Variants in ZNF429 observed in about 807,000 individuals in gnomAD.
ZNF429 encodes zinc finger protein 429.
A neutral mutation model predicts 56.8 loss-of-function variants in ZNF429; 53 were observed. The ratio of observed to expected loss-of-function variants is 0.93; its 90% CI spans 0.75 to 1.17. The LOEUF is 1.17. ZNF429 is among the 50% of genes most tolerant of loss of function. The pLI, the probability that ZNF429 is intolerant of heterozygous loss-of-function variation, is 0.00. For synonymous variants in ZNF429, 278 were observed against 264.7 expected (o/e 1.05, Z -0.49); for missense variants, 849 against 788.4 (o/e 1.08, Z -0.92).
chr19:21,505,751 G>A lies in ZNF429; in HGVS notation c.-21G>A, dbSNP rs765494665. On this transcript the variant is annotated 5_prime_UTR_variant, in exon 1 of 4. Coordinates refer to ENST00000358491, the MANE Select transcript of ZNF429 (RefSeq NM_001001415.4). ...TGGGAGATACACAGCTAAGACTCCA[G>A]GACCCCCTGGAAGCCTAGAAATGGT... The A allele has an allele frequency of 1.2e-6, 2 of 1,610,144 alleles. No individual in the cohort carries two copies. The highest frequency in any genetic ancestry group is 1.7e-6 in the Non-Finnish European group (2 of 1,177,458).
At position 21,537,622 on chromosome 19, in the gene ZNF429, A is replaced by G. The variant is rs377473432; in HGVS notation, c.1569A>G (p.Arg523=). Residue 523 remains arginine (R), a synonymous_variant, in exon 4 of 4, where the codon AGA becomes AGG. Transcript: ENST00000358491. ...ECGKAFILSS[R]LTQHKKIHTG... is the part of the protein sequence containing the mutation. ...GCAAAGCTTTTATCCTGTCCTCAAG[A>G]CTTACTCAACATAAGAAAATTCATA... The G allele has an allele frequency of 1.4e-5, 22 of 1,612,812 alleles. No individual in the cohort carries two copies. The African/African-American group carries it at 2.5e-4, about 19-fold the overall frequency.
At chr19:21,535,417 TTTCTTTCTTTC>T in intron 3 of ZNF429, among the ~76,000 whole-genome samples, 8,044 of 53,172 alleles carry the variant, frequency 0.15, 1,824 homozygotes, top group Middle Eastern at 0.19. Context: ...TTTTCTTTTC[TTTCTTTCTTTC>T]TTTCTTTCTT....
chr19:21,530,590 T>C lies in ZNF429; in HGVS notation c.132T>C (p.Gly44=). ...LENYRNLVFL[G]IAVSKPDLIT... Reference sequence around the variant, plus strand: ...TCTTCTTTATTTTTAATAAAACAGGTATTGCTGTTTCTAAGCCAGACCTAA... The same window carrying C: ...TCTTCTTTATTTTTAATAAAACAGGCATTGCTGTTTCTAAGCCAGACCTAA... Residue 44 remains glycine (G), a splice_region_variant and synonymous_variant, in exon 3 of 4, where the codon GGT becomes GGC. Transcript: ENST00000358491. 6.3e-7 allele frequency: 1 copy of C among 1,593,922 alleles called. No homozygotes were observed. The highest frequency in any genetic ancestry group is 1.1e-5 in the South Asian group (1 of 87,558).
intron 3 of ZNF429, 55 bp from the exon 4 acceptor site, chr19:21,536,225 T>C: frequency 6.7e-7 from 1 of 1,487,566 alleles, no homozygotes; most frequent in East Asian, 2.3e-5. Context: ...GTTTGTGACG[T>C]ATATATATCT....
chr19:21,507,617 C>G (rs1351175405), intron 1 of ZNF429: 1 of 152,102 alleles, frequency 6.6e-6, no homozygotes, highest in Non-Finnish European at 1.5e-5. Flanking sequence ...TTTTCCTGGT[C>G]CTGGGTTCCA....
At chr19:21,509,798 A>G (rs2032364353) in intron 1 of ZNF429, among the ~76,000 whole-genome samples, 1 of 152,264 alleles carries the variant, frequency 6.6e-6, no homozygotes, top group Non-Finnish European at 1.5e-5. Flanking sequence ...ATTTGTATAA[A>G]AAAAAGAAAA....
chr19:21,512,197 A>C (rs1054919209), intron 1 of ZNF429, among the ~76,000 whole-genome samples: 2 of 152,084 alleles, frequency 1.3e-5, no homozygotes, highest in South Asian at 4.1e-4. Flanking sequence ...CTGATATTGC[A>C]TTGGCATTTG....
intron 1 of ZNF429, among the ~76,000 whole-genome samples, chr19:21,515,533 G>A (rs760413236): frequency 5.3e-5 from 8 of 151,866 alleles, no homozygotes; most frequent in Non-Finnish European, 8.8e-5. Context: ...CTATTCTGTA[G>A]ATTGTCTGTT....
At chr19:21,517,894 C>T (rs183712683) in intron 1 of ZNF429, among the ~76,000 whole-genome samples, 138 of 151,214 alleles carry the variant, frequency 9.1e-4, no homozygotes, top group African/African-American at 2.9e-3. Context: ...CCCAGGTTCA[C>T]GCCATTCACC....
intron 1 of ZNF429, among the ~76,000 whole-genome samples, chr19:21,513,186 A>G (rs2032583449): frequency 1.3e-5 from 2 of 152,032 alleles, no homozygotes; most frequent in Admixed American, 1.3e-4. Flanking sequence ...TCTTAATGGT[A>G]ATGGGGTTTC....
intron 1 of ZNF429, among the ~76,000 whole-genome samples, chr19:21,510,461 C>T (rs7259339): frequency 0.025 from 3,867 of 152,174 alleles, 151 homozygotes; most frequent in African/African-American, 0.087. Context: ...AGAGTGAGTT[C>T]ATAGAGTAAA....
chr19:21,505,926 C>A (rs961927778), intron 1 of ZNF429, 152 bp downstream of exon 1: 3 of 773,488 alleles, frequency 3.9e-6, no homozygotes, highest in Admixed American at 2.4e-5. Context: ...TCCCCTTCAG[C>A]CATAAGATGG....
chr19:21,526,273 C>A (rs1410628256), intron 1 of ZNF429, among the ~76,000 whole-genome samples: 2 of 151,668 alleles, frequency 1.3e-5, no homozygotes, highest in African/African-American at 2.4e-5. Context: ...TTTCGTGCAC[C>A]CATCACCCAA....
intron 1 of ZNF429, among the ~76,000 whole-genome samples, chr19:21,519,147 A>G (rs1246235125): frequency 6.6e-6 from 1 of 152,202 alleles, no homozygotes; most frequent in Non-Finnish European, 1.5e-5. Flanking sequence ...TTAAAAAGAG[A>G]AAGAAACAAG....
intron 3 of ZNF429, 22 bp from the exon 4 acceptor site, chr19:21,536,258 T>A: frequency 5.2e-5 from 80 of 1,538,034 alleles, no homozygotes; most frequent in Non-Finnish European, 6.5e-5. Context: ...TGAAGTAATT[T>A]GTTGTTTTAA....
At chr19:21,535,466 T>C in intron 3 of ZNF429, among the ~76,000 whole-genome samples, 2 of 101,624 alleles carry the variant, frequency 2.0e-5, no homozygotes. Flanking sequence ...CTTTCTTTCT[T>C]TCTTTCTTTC....
At chr19:21,509,062 G>T (rs2032325325) in intron 1 of ZNF429, among the ~76,000 whole-genome samples, 1 of 151,062 alleles carries the variant, frequency 6.6e-6, no homozygotes, top group Non-Finnish European at 1.5e-5. Context: ...AGGCTGGGGT[G>T]CAGTGGTGCG....
intron 3 of ZNF429, among the ~76,000 whole-genome samples, chr19:21,532,469 A>G: frequency 6.6e-6 from 1 of 152,182 alleles, no homozygotes; most frequent in South Asian, 2.1e-4. Context: ...CATTTTAGAC[A>G]TAATACAAAA....
At chr19:21,511,914 A>G (rs1017972513) in intron 1 of ZNF429, among the ~76,000 whole-genome samples, 2 of 152,078 alleles carry the variant, frequency 1.3e-5, no homozygotes, top group African/African-American at 4.8e-5. Flanking sequence ...GTCTCCACCA[A>G]AAAAATACGA....
Sources: allele counts gnomAD v4.1 joint callset (sites outside exome capture counted in the v4.1 genomes callset), GRCh38; gene constraint gnomAD v4.1.1; transcripts MANE v1.5; gene names NCBI Gene and HGNC (gene_info 2026-07-23, HGNC 2026-07-21).